PTPRN2: variants seen among roughly 807,000 people sequenced by gnomAD.
PTPRN2 encodes the protein receptor-type tyrosine-protein phosphatase N2.
PTPRN2 carries 74 observed loss-of-function variants against 118.8 expected under a neutral mutation model. That is an observed-to-expected ratio of 0.62 (90% CI 0.52 to 0.76). The LOEUF (loss-of-function observed/expected upper bound fraction) is 0.76, where lower values mean the gene tolerates loss of function less well. PTPRN2 is among the 30% of genes least tolerant of loss of function. The pLI is 0.00. For synonymous variants in PTPRN2, 641 were observed against 608.0 expected (o/e 1.05, Z -0.80); for missense variants, 1,481 against 1,394.4 (o/e 1.06, Z -0.99).
At chr7:157,828,753 T>C (rs1807352052) in intron 12 of PTPRN2, among the ~76,000 whole-genome samples, 1 of 152,200 alleles carries the variant, frequency 6.6e-6, no homozygotes, top group Admixed American at 6.5e-5. Context: ...AGCTGACAAG[T>C]AAGACAGGGT....
intron 15 of PTPRN2, among the ~76,000 whole-genome samples, chr7:157,613,258 C>T (rs1302988655): frequency 1.3e-5 from 2 of 152,266 alleles, no homozygotes; most frequent in African/African-American, 4.8e-5. Context: ...GGCGACTCCG[C>T]TTGTCCTTCG....
chr7:157,729,233 A>T lies in PTPRN2; in HGVS notation c.1789-46296T>A, dbSNP rs1242789. Among the ~76,000 whole-genome samples, 103,996 of 151,830 alleles carry T rather than the reference A, an allele frequency of 0.68. 36,820 individuals are homozygous for T. The highest frequency in any genetic ancestry group is 0.79 in the Middle Eastern group (232 of 294). On this transcript the variant is annotated intron_variant, in intron 12 of 22. Transcript: ENST00000389418. The surrounding 1 kb of genome is among the most constrained non-coding windows in gnomAD (Gnocchi z 4.3). ...CATCTTTGAATCTTCATGTATTTTTAAAAAAGAATGAATTTAAAACTCTAA... is the reference window on the plus strand; with the variant it reads ...CATCTTTGAATCTTCATGTATTTTTTAAAAAGAATGAATTTAAAACTCTAA...
chr7:158,248,288 C>T (rs773701999), intron 3 of PTPRN2, among the ~76,000 whole-genome samples: 47 of 152,118 alleles, frequency 3.1e-4, no homozygotes, highest in Non-Finnish European at 6.0e-4. Context: ...CTGTAAGAAG[C>T]CGCTGAGCTG....
intron 12 of PTPRN2, among the ~76,000 whole-genome samples, chr7:157,858,079 C>CT (rs1156975064): frequency 1.9e-4 from 25 of 134,116 alleles, no homozygotes; most frequent in Middle Eastern, 3.6e-3. Context: ...CAGGGAGAAC[C>CT]CCGTCACCAC....
intron 10 of PTPRN2, among the ~76,000 whole-genome samples, chr7:158,097,581 G>A (rs1392506649): frequency 2.0e-5 from 3 of 152,158 alleles, no homozygotes; most frequent in African/African-American, 7.2e-5. Context: ...TGGACTCAGG[G>A]GCTCGTGGGA....
chr7:157,780,570 C>T lies in PTPRN2; in HGVS notation c.1789-97633G>A, dbSNP rs1248144586. On this transcript the variant is annotated intron_variant, in intron 12 of 22. Transcript: ENST00000389418. The surrounding 1 kb of genome is among the most constrained non-coding windows in gnomAD (Gnocchi z 4.5). The stretch of plus-strand genomic sequence containing the variant: ...ATACAGCAGCCCTCTTGCTGGCTTC[C>T]AGTACTGGCTCTGCACGCCTTCACC... Among the ~76,000 whole-genome samples the T allele has an allele frequency of 1.3e-5, 2 of 152,206 alleles. No individual in the cohort carries two copies. The highest frequency in any genetic ancestry group is 2.9e-5 in the Non-Finnish European group (2 of 68,040).
chr7:158,457,968 C>T (rs1047378564), intron 2 of PTPRN2, among the ~76,000 whole-genome samples: 1 of 152,152 alleles, frequency 6.6e-6, no homozygotes, highest in Non-Finnish European at 1.5e-5. Flanking sequence ...GGAAGGGTTC[C>T]GGGTCTCCTG....
intron 6 of PTPRN2, among the ~76,000 whole-genome samples, chr7:158,146,608 C>A (rs188831821): frequency 2.2e-4 from 33 of 150,336 alleles, no homozygotes; most frequent in Admixed American, 2.1e-3. Context: ...GTAGTCCCAG[C>A]TACTCAGGAG....
Position 157,986,072 on chromosome 7 carries a change from T to A in PTPRN2, c.1724-87335A>T, listed in dbSNP as rs914714764. 2.0e-5 allele frequency among the ~76,000 whole-genome samples: 3 copies of A among 152,180 alleles called. No individual in the cohort carries two copies. Among genetic ancestry groups the A allele is most frequent in the Non-Finnish European group, 4.4e-5 (3 of 68,026 alleles). On this transcript the variant is annotated intron_variant, in intron 11 of 22. Coordinates refer to ENST00000389418, the MANE Select transcript of PTPRN2 (RefSeq NM_002847.5). The surrounding 1 kb of genome is among the most constrained non-coding windows in gnomAD (Gnocchi z 4.5). ...CACAAACACACTTCCTGCTTCCAGATGGATGGAGGTGGGAGGAGGGAGGGG... is the reference window on the plus strand; with the variant it reads ...CACAAACACACTTCCTGCTTCCAGAAGGATGGAGGTGGGAGGAGGGAGGGG...
At chr7:157,771,975 TAC>T (rs1381205932) in intron 12 of PTPRN2, among the ~76,000 whole-genome samples, 3 of 131,080 alleles carry the variant, frequency 2.3e-5, no homozygotes, top group African/African-American at 9.0e-5. Flanking sequence ...CACACACACA[TAC>T]ACACGGACAC....
At chr7:157,588,974 A>G (rs1355869333) in intron 17 of PTPRN2, among the ~76,000 whole-genome samples, 1 of 152,120 alleles carries the variant, frequency 6.6e-6, no homozygotes, top group Non-Finnish European at 1.5e-5. Flanking sequence ...TACCTAACAT[A>G]TAATTTACCG....
chr7:157,694,239 C>G (rs1292238231), intron 12 of PTPRN2, among the ~76,000 whole-genome samples: 7 of 152,184 alleles, frequency 4.6e-5, no homozygotes, highest in African/African-American at 1.7e-4. Flanking sequence ...GGAGGTGGCA[C>G]CAATTCAGTT....
rs1808701248 is a variant in PTPRN2, at chr7:157,845,049, C to T, written c.1788+53624G>A. Among the ~76,000 whole-genome samples, 1 of 152,128 alleles carries T rather than the reference C, an allele frequency of 6.6e-6. No homozygotes were observed. Among genetic ancestry groups the T allele is most frequent in the Admixed American group, 6.5e-5 (1 of 15,274 alleles). On this transcript the variant is annotated intron_variant, in intron 12 of 22. Transcript: ENST00000389418. The surrounding 1 kb of genome is among the most constrained non-coding windows in gnomAD (Gnocchi z 4.5). Reference sequence around the variant, plus strand: ...CACCTGCCTTATCTTCCAGGGTTTGCCCTTGGTGTAGAGATAGACAAAGGG... The same window carrying T: ...CACCTGCCTTATCTTCCAGGGTTTGTCCTTGGTGTAGAGATAGACAAAGGG...
chr7:158,194,114 C>T (rs192843680), intron 4 of PTPRN2, among the ~76,000 whole-genome samples: 304 of 150,310 alleles, frequency 2.0e-3, no homozygotes, highest in Admixed American at 3.0e-3. Context: ...TGTGTGCACG[C>T]GCGCGCATGT....
intron 11 of PTPRN2, among the ~76,000 whole-genome samples, chr7:158,014,606 C>A (rs891607194): frequency 6.6e-6 from 1 of 151,672 alleles, no homozygotes; most frequent in African/African-American, 2.4e-5. Context: ...CCTCCTTCCA[C>A]CCATCCCTCA....
chr7:158,273,572 A>AGG lies in PTPRN2; in HGVS notation c.277+43245_277+43246dup, dbSNP rs1156427749. On this transcript the variant is annotated intron_variant, in intron 3 of 22. Coordinates refer to ENST00000389418, the MANE Select transcript of PTPRN2 (RefSeq NM_002847.5). The stretch of plus-strand genomic sequence containing the variant: ...CAGACACAGGGGGAGCCGCAGGCAC[A>AGG]GGGGGAGCCGCAGACAGACATGGGA... 1.8e-3 allele frequency among the ~76,000 whole-genome samples: 88 copies of AGG among 47,982 alleles called. 10 individuals are homozygous for AGG. Among genetic ancestry groups the AGG allele is most frequent in the Non-Finnish European group, 2.9e-3 (77 of 26,690 alleles). The allele number at this position is 47,982 out of a possible 152,430, so 31.5% of individuals were successfully genotyped here.
Position 157,977,909 on chromosome 7 carries a change from G to A in PTPRN2, c.1724-79172C>T, listed in dbSNP as rs186523495. ...GAGGAGGGAAGGAGGTCAGCTTCCC[G>A]ATGTGTCTGTGGGCCGGCAGGACTC... On this transcript the variant is annotated intron_variant, in intron 11 of 22. Transcript: ENST00000389418. The surrounding 1 kb of genome is among the most constrained non-coding windows in gnomAD (Gnocchi z 4.6). 2.6e-5 allele frequency among the ~76,000 whole-genome samples: 4 copies of A among 151,964 alleles called. No homozygotes were observed. The highest frequency in any genetic ancestry group is 1.3e-4 in the Admixed American group (2 of 15,274).
chr7:158,475,257 G>A (rs1035422584), intron 2 of PTPRN2, among the ~76,000 whole-genome samples: 2 of 147,386 alleles, frequency 1.4e-5, no homozygotes, highest in Admixed American at 6.6e-5. Context: ...AGGACTCCCC[G>A]GCTTCCCCTG....
chr7:158,472,262 G>A (rs1733134), intron 2 of PTPRN2, among the ~76,000 whole-genome samples: 105,962 of 152,080 alleles, frequency 0.7, 37,105 homozygotes, highest in Admixed American at 0.78. Flanking sequence ...TTGAGAAGCC[G>A]AAGGGTGAGC....
Sources: allele counts gnomAD v4.1 joint callset (sites outside exome capture counted in the v4.1 genomes callset), GRCh38; gene constraint gnomAD v4.1.1; non-coding constraint Gnocchi (gnomAD v3.1); transcripts MANE v1.5; gene names NCBI Gene and HGNC (gene_info 2026-07-23, HGNC 2026-07-21).